Variants in NTRK1 observed in about 807,000 individuals in gnomAD.
NTRK1 encodes neurotrophic receptor tyrosine kinase 1.
NTRK1 carries 62 observed loss-of-function variants against 86.8 expected under a neutral mutation model. The ratio of observed to expected loss-of-function variants is 0.71; its 90% CI spans 0.58 to 0.88. The LOEUF (loss-of-function observed/expected upper bound fraction) is 0.88. Among genes scored for constraint, NTRK1 ranks in the 40% least tolerant of loss-of-function variants. The pLI, the probability that NTRK1 is intolerant of heterozygous loss-of-function variation, is 0.00. For synonymous variants in NTRK1, 469 were observed against 456.6 expected, an observed-to-expected ratio of 1.03 and a Z score of -0.35; for missense variants, 967 against 1,078.4, an observed-to-expected ratio of 0.90 and a Z score of 1.45.
In NTRK1 at chr1:156,881,698, C is replaced by G. The variant is rs773036874; in HGVS notation, c.*56C>G. 6.5e-4 allele frequency: 987 copies of G among 1,507,646 alleles called. 1 individual carries two copies. Among genetic ancestry groups the G allele is most frequent in the Admixed American group, 1.1e-3 (51 of 46,450 alleles). The allele number at this position is 1,507,646 out of a possible 1,614,324, so 93.4% of individuals were successfully genotyped here. ...CCGGAATACTGGGGCCTGCCCTCAG[C>G]ATCCCCCATAGCTCCCAGCAGCCCC... On this transcript the variant is annotated 3_prime_UTR_variant, in exon 17 of 17. Transcript: ENST00000524377.
chr1:156,868,078 C>T (rs2102892420), intron 4 of NTRK1, 26 bp from the exon 5 acceptor site: 2 of 1,613,512 alleles, frequency 1.2e-6, no homozygotes, highest in Non-Finnish European at 1.7e-6. Context: ...TTCCTTGACT[C>T]TGTTGGTGTC....
At chr1:156,860,250 GGGCTTCTCGCGCCACCCTGT>G (rs909145682), upstream of NTRK1, among the ~76,000 whole-genome samples, 4 of 152,158 alleles carry the variant, frequency 2.6e-5, no homozygotes, top group African/African-American at 9.7e-5. Context: ...CTTTGCGCGC[GGGCTTCTCGCGCCACCCTGT>G]GGCTTCTCTT....
rs530805765 is a variant in NTRK1, at chr1:156,833,938, C to T, written c.-63-8143C>T. The stretch of plus-strand genomic sequence containing the variant: ...TTTTTAGATTCTCACAACCTCAACT[C>T]GCCTCTTTGTTCCCCCAGCCTAGGG... On this transcript the variant is annotated intron_variant, in intron 1 of 16. Coordinates refer to the NTRK1 transcript ENST00000392302. Among the ~76,000 whole-genome samples the T allele has an allele frequency of 2.6e-5, 4 of 152,212 alleles. No homozygotes were observed. The South Asian group carries it at 6.2e-4, about 24-fold the overall frequency.
chr1:156,880,308 C>T (rs1441745380), intron 16 of NTRK1, 151 bp downstream of exon 16: 1 of 760,258 alleles, frequency 1.3e-6, no homozygotes, highest in Non-Finnish European at 2.2e-6. Flanking sequence ...GTGTCCCCTC[C>T]ACTGTGGCCC....
upstream of NTRK1, among the ~76,000 whole-genome samples, chr1:156,859,514 C>G (rs1655532472): frequency 6.6e-6 from 1 of 152,282 alleles, no homozygotes; most frequent in African/African-American, 2.4e-5. The surrounding 1 kb of genome is among the most constrained non-coding windows in gnomAD (Gnocchi z 6.2). Context: ...AGAACGTGGA[C>G]AGCCCTTGGC....
intron 1 of NTRK1, chr1:156,842,023 AGG>A: frequency 6.3e-7 from 1 of 1,590,876 alleles, no homozygotes; most frequent in Non-Finnish European, 8.6e-7. Context: ...ACAGGCTGTC[AGG>A]ACCAGGGCTG....
intron 1 of NTRK1, among the ~76,000 whole-genome samples, chr1:156,836,651 A>C (rs1654606318): frequency 6.6e-6 from 1 of 152,118 alleles, no homozygotes; most frequent in Non-Finnish European, 1.5e-5. Flanking sequence ...GCTGAAGGTG[A>C]GGAGAGGCTG....
intron 2 of NTRK1, chr1:156,848,919 A>G: frequency 4.5e-6 from 7 of 1,564,670 alleles, no homozygotes; most frequent in South Asian, 2.3e-5. Context: ...CCCGGCACTC[A>G]CGACTCCTTG....
chr1:156,845,063 G>A, intron 2 of NTRK1: 1 of 1,597,638 alleles, frequency 6.3e-7, no homozygotes, highest in Non-Finnish European at 8.5e-7. Flanking sequence ...AGGTGTGTGT[G>A]TGGATCACCT....
intron 2 of NTRK1, chr1:156,851,346 C>T (rs1217482398): frequency 1.9e-6 from 3 of 1,614,122 alleles, no homozygotes; most frequent in Admixed American, 1.7e-5. Context: ...AGCCCAGGGA[C>T]ACGAGGGCAA....
At chr1:156,850,204 G>A (rs1571667565) in intron 2 of NTRK1, among the ~76,000 whole-genome samples, 1 of 152,042 alleles carries the variant, frequency 6.6e-6, no homozygotes, top group South Asian at 2.1e-4. Context: ...ATCTGGCCTG[G>A]TTGGTTATTT....
At chr1:156,840,787 G>A (rs1654744801) in intron 1 of NTRK1, 1 of 1,031,952 alleles carries the variant, frequency 9.7e-7, no homozygotes, top group African/African-American at 1.6e-5. Context: ...AGTTGGGGTG[G>A]GGGTGAACAT....
intron 2 of NTRK1, 47 bp from the exon 3 acceptor site, chr1:156,864,681 C>T: frequency 6.2e-7 from 1 of 1,602,212 alleles, no homozygotes; most frequent in Non-Finnish European, 8.5e-7. Context: ...GCCAGGGGCC[C>T]AGAGTAGCTG....
chr1:156,823,324 A>C (rs1371457802), intron 1 of NTRK1, among the ~76,000 whole-genome samples: 2 of 152,198 alleles, frequency 1.3e-5, no homozygotes, highest in African/African-American at 2.4e-5. Flanking sequence ...CCAACTCCAC[A>C]AAGGGGTTTT....
At chr1:156,842,546 C>T (rs1378761077) in intron 2 of NTRK1, 2 of 1,559,928 alleles carry the variant, frequency 1.3e-6, no homozygotes, top group South Asian at 1.1e-5. Flanking sequence ...CCCCTAGTTC[C>T]CCTTGACCCA....
At chr1:156,822,200 G>T (rs2102833991) in intron 1 of NTRK1, among the ~76,000 whole-genome samples, 1 of 152,312 alleles carries the variant, frequency 6.6e-6, no homozygotes, top group South Asian at 2.1e-4. Context: ...TCAGCTCCCA[G>T]ATGATAATTT....
chr1:156,877,953 G>A (rs923983331), intron 14 of NTRK1, among the ~76,000 whole-genome samples: 3 of 152,190 alleles, frequency 2.0e-5, no homozygotes, highest in Non-Finnish European at 4.4e-5. Context: ...AGCCCAAGAA[G>A]GCCAGGGAGG....
At chr1:156,858,861 G>C (rs1655505267), upstream of NTRK1, 2 of 563,752 alleles carry the variant, frequency 3.5e-6, no homozygotes, top group Middle Eastern at 4.7e-4. Flanking sequence ...ATGAGATTGA[G>C]AGATGGGGAC....
chr1:156,832,911 G>T (rs993116551), intron 1 of NTRK1, among the ~76,000 whole-genome samples: 3 of 152,250 alleles, frequency 2.0e-5, no homozygotes, highest in Non-Finnish European at 4.4e-5. Context: ...GCAGGGGCTT[G>T]TTATTGCCCA....
Sources: allele counts gnomAD v4.1 joint callset (sites outside exome capture counted in the v4.1 genomes callset), GRCh38; gene constraint gnomAD v4.1.1; non-coding constraint Gnocchi (gnomAD v3.1); transcripts MANE v1.5; gene names NCBI Gene and HGNC (gene_info 2026-07-23, HGNC 2026-07-21).